The following MIS18A variants were observed in gnomAD, a reference collection of about 807,000 sequenced individuals.
MIS18A encodes MIS18 kinetochore protein A, also known as protein Mis18-alpha.
In MIS18A, 14 loss-of-function variants were observed where a neutral mutation model predicts 25.0. That is an observed-to-expected ratio of 0.56 (90% CI 0.37 to 0.88). The LOEUF (loss-of-function observed/expected upper bound fraction) is 0.88, where lower values mean the gene tolerates loss of function less well. Among genes scored for constraint, MIS18A ranks in the 40% least tolerant of loss-of-function variants. MIS18A has a pLI of 0.00. For synonymous variants in MIS18A, 134 were observed against 118.6 expected, an observed-to-expected ratio of 1.13 and a Z score of -0.84; for missense variants, 292 against 290.8, an observed-to-expected ratio of 1.00 and a Z score of -0.03.
At chr21:32,275,601 A>G (rs894632606) in intron 1 of MIS18A, among the ~76,000 whole-genome samples, 4 of 152,326 alleles carry the variant, frequency 2.6e-5, no homozygotes, top group African/African-American at 9.6e-5. Context: ...AGGAAACACT[A>G]AAGGACAGGG....
the MIS18A span, among the ~76,000 whole-genome samples, chr21:32,189,810 C>T: frequency 6.6e-6 from 1 of 152,196 alleles, no homozygotes; most frequent in Non-Finnish European, 1.5e-5. Context: ...TCCTCTGCAT[C>T]CACCCTGTCA....
At chr21:32,218,116 C>T in the MIS18A span, among the ~76,000 whole-genome samples, 1 of 150,400 alleles carries the variant, frequency 6.6e-6, no homozygotes, top group African/African-American at 2.5e-5. Context: ...TGGCATGAAC[C>T]CAGGAGGCGG....
At chr21:32,210,689 C>A in the MIS18A span, among the ~76,000 whole-genome samples, 2 of 152,078 alleles carry the variant, frequency 1.3e-5, no homozygotes, top group Non-Finnish European at 2.9e-5. Flanking sequence ...CAACTCGGGG[C>A]GTTAACAGTT....
At position 32,270,503 on chromosome 21, in the gene MIS18A, C is replaced by T; in HGVS notation, c.428G>A (p.Gly143Glu). ...CACGTAGCCAAGATTGAGTGAGCAC[C>T]CCGCGCAGCACAAAGTCTCAAGGAC... ...GCVLETLCCA[G>E]CSLNLGYVYR... Residue 143 changes from glycine to glutamate, a missense_variant, in exon 3 of 5, where the codon GGG becomes GAG. By Grantham distance (98) the Gly-to-Glu change is moderately conservative. Transcript: ENST00000290130. The T allele has an allele frequency of 1.3e-6, 2 of 1,599,946 alleles. No homozygotes were observed. Among genetic ancestry groups the T allele is most frequent in the South Asian group, 1.1e-5 (1 of 88,404 alleles).
chr21:32,258,867 TTTATTTATTTACTTACTTAC>T, the MIS18A span, among the ~76,000 whole-genome samples: 3 of 122,630 alleles, frequency 2.4e-5, no homozygotes, highest in African/African-American at 1.1e-4. Context: ...TATTTATTTA[TTTATTTATTTACTTACTTAC>T]TTACTTACTT....
At chr21:32,238,671 T>C in the MIS18A span, among the ~76,000 whole-genome samples, 2 of 152,172 alleles carry the variant, frequency 1.3e-5, no homozygotes, top group Non-Finnish European at 2.9e-5. Flanking sequence ...TATGCCCTTG[T>C]TTGTGTGGTC....
At chr21:32,182,968 A>G in the MIS18A span, among the ~76,000 whole-genome samples, 1 of 152,224 alleles carries the variant, frequency 6.6e-6, no homozygotes, top group East Asian at 1.9e-4. Flanking sequence ...TAGATTCCCA[A>G]ATGGCGAAAT....
chr21:32,235,431 C>G, the MIS18A span, among the ~76,000 whole-genome samples: 3 of 152,186 alleles, frequency 2.0e-5, no homozygotes, highest in Admixed American at 6.5e-5. Flanking sequence ...TGCCCTCACT[C>G]CCTTCCTCCA....
At chr21:32,233,542 C>T in the MIS18A span, among the ~76,000 whole-genome samples, 56 of 152,346 alleles carry the variant, frequency 3.7e-4, no homozygotes, top group African/African-American at 1.1e-3. Context: ...GTAGCAGCCA[C>T]GGCTTTGATT....
the MIS18A span, among the ~76,000 whole-genome samples, chr21:32,251,428 T>C: frequency 2.0e-5 from 3 of 152,018 alleles, no homozygotes; most frequent in Non-Finnish European, 4.4e-5. Context: ...TCCCACACTC[T>C]CCCTCTTCAG....
Position 32,278,668 on chromosome 21 carries a change from C to A in MIS18A, c.334+13G>T. ...GACCCCACGCCCCCCCTGCCCGGCT[C>A]GACCCAACTGACAGCGAAGCAGGAT... On this transcript the variant is annotated intron_variant, in intron 1 of 4. Transcript: ENST00000290130. The A allele has an allele frequency of 6.6e-7, 1 of 1,515,152 alleles. No homozygotes were observed. The highest frequency in any genetic ancestry group is 2.4e-5 in the East Asian group (1 of 42,198). 93.9% of individuals were successfully genotyped at this position (1,515,152 alleles called of 1,614,324 possible).
the MIS18A span, among the ~76,000 whole-genome samples, chr21:32,202,245 G>A: frequency 6.6e-6 from 1 of 151,978 alleles, no homozygotes; most frequent in East Asian, 1.9e-4. Flanking sequence ...CCGTGACTGT[G>A]CCACTGAACT....
chr21:32,274,868 C>T lies in MIS18A; in HGVS notation c.363G>A (p.Lys121=). 6.2e-7 allele frequency: 1 copy of T among 1,612,792 alleles called. No individual in the cohort carries two copies. Residue 121 remains lysine (K), a synonymous_variant, in exon 2 of 5, where the codon AAG becomes AAA. Coordinates refer to ENST00000290130, the MANE Select transcript of MIS18A (RefSeq NM_018944.3). ...RCVSCNVSVD[K]EQKLSKREKE... ...TTTCACGTTTGGATAGCTTCTGTTC[C>T]TTATCCACAGAAACATTACAGGAAA...
intron 1 of MIS18A, 98 bp downstream of exon 1, chr21:32,278,583 G>A: frequency 4.8e-6 from 6 of 1,259,092 alleles, no homozygotes; most frequent in Non-Finnish European, 6.4e-6. Context: ...TCCCTGGGCA[G>A]CCCCAAGGAG....
chr21:32,183,612 TCTC>T, the MIS18A span, among the ~76,000 whole-genome samples: 1 of 152,168 alleles, frequency 6.6e-6, no homozygotes, highest in South Asian at 2.1e-4. Flanking sequence ...TTTTGGCCCT[TCTC>T]CTTAGAAACT....
At chr21:32,169,657 C>T in the MIS18A span, among the ~76,000 whole-genome samples, 1 of 152,206 alleles carries the variant, frequency 6.6e-6, no homozygotes, top group African/African-American at 2.4e-5. Context: ...AGCCACTGAA[C>T]ACTGAAGATA....
the MIS18A span, among the ~76,000 whole-genome samples, chr21:32,195,394 G>A: frequency 1.3e-5 from 2 of 152,150 alleles, no homozygotes; most frequent in Non-Finnish European, 2.9e-5. Context: ...GACCAAGTTC[G>A]CACACCTCCT....
Position 32,279,023 on chromosome 21 carries a change from A to C in MIS18A, c.-9T>G. 1 of 1,584,714 alleles carries C rather than the reference A, an allele frequency of 6.3e-7. No individual in the cohort carries two copies. ...GACCGAACGCCTGCCATTACCTACA[A>C]ATCGCCCGCGCCCCAGAGCGCCATG... On this transcript the variant is annotated 5_prime_UTR_variant, in exon 1 of 5. In the 5' UTR this introduces an upstream ATG that the reference lacks. Transcript: ENST00000290130.
At chr21:32,173,955 G>GTTTTTTTTT in the MIS18A span, among the ~76,000 whole-genome samples, 2 of 92,614 alleles carry the variant, frequency 2.2e-5, no homozygotes, top group African/African-American at 4.3e-5. Context: ...TACTTTTTAA[G>GTTTTTTTTT]TTTTTTTTTT....
Sources: allele counts gnomAD v4.1 joint callset (sites outside exome capture counted in the v4.1 genomes callset), GRCh38; gene constraint gnomAD v4.1.1; transcripts MANE v1.5; gene names NCBI Gene and HGNC (gene_info 2026-07-23, HGNC 2026-07-21).